HRH2: variants seen among roughly 807,000 people sequenced by gnomAD.
HRH2 encodes histamine receptor H2.
A neutral mutation model predicts 20.1 loss-of-function variants in HRH2; 4 were observed. The ratio of observed to expected loss-of-function variants is 0.20; its 90% CI spans 0.10 to 0.45. The LOEUF is 0.45. Ranked by LOEUF, HRH2 falls within the 20% of genes least tolerant of loss-of-function variation. The probability of loss-of-function intolerance (pLI) is 0.99; values close to 1 mark genes in which losing one functional copy is unlikely to be tolerated. For synonymous variants in HRH2, 197 were observed against 200.7 expected, an observed-to-expected ratio of 0.98 and a Z score of 0.16; for missense variants, 250 against 461.6, an observed-to-expected ratio of 0.54 and a Z score of 4.20.
chr5:175,674,461 A>T (rs1213461150), intron 1 of HRH2, among the ~76,000 whole-genome samples: 3 of 151,814 alleles, frequency 2.0e-5, no homozygotes, highest in Non-Finnish European at 4.4e-5. Flanking sequence ...CCTCACTATG[A>T]TGCCTAGGGG....
At position 175,708,962 on chromosome 5, in the gene HRH2, C is replaced by T. The variant is rs1297236422; in HGVS notation, c.*991C>T. On this transcript the variant is annotated 3_prime_UTR_variant, in exon 3 of 3. Transcript: ENST00000636584. ...TTGGCCCCCAGCACTCTCTGGTGGCCGTATGACCTTGGGCACGTCTCCTGA... is the reference window on the plus strand; with the variant it reads ...TTGGCCCCCAGCACTCTCTGGTGGCTGTATGACCTTGGGCACGTCTCCTGA... The T allele has an allele frequency of 6.6e-6, 1 of 152,074 alleles. No individual in the cohort carries two copies. The highest frequency in any genetic ancestry group is 2.4e-5 in the African/African-American group (1 of 41,330). The allele number at this position is 152,074 out of a possible 1,614,324, so 9.4% of individuals were successfully genotyped here.
chr5:175,692,430 C>A (rs651002), intron 2 of HRH2, among the ~76,000 whole-genome samples: 2,270 of 152,284 alleles, frequency 0.015, 60 homozygotes, highest in African/African-American at 0.052. Context: ...CCATTTCCAG[C>A]CCCTGGCTCT....
intron 1 of HRH2, among the ~76,000 whole-genome samples, chr5:175,661,822 C>T (rs1762745473): frequency 6.6e-6 from 1 of 152,138 alleles, no homozygotes; most frequent in Non-Finnish European, 1.5e-5. Flanking sequence ...GAGTTCGAGA[C>T]CAGCCTGGCT....
intron 1 of HRH2, among the ~76,000 whole-genome samples, chr5:175,671,550 A>G (rs1309718907): frequency 2.0e-5 from 3 of 152,180 alleles, no homozygotes; most frequent in Non-Finnish European, 2.9e-5. Flanking sequence ...CAGCCTAGAA[A>G]AAGGAATTTG....
chr5:175,664,830 G>A (rs1205981240), intron 1 of HRH2, among the ~76,000 whole-genome samples: 10 of 152,096 alleles, frequency 6.6e-5, no homozygotes, highest in Non-Finnish European at 1.5e-4. Flanking sequence ...TAGAGGCAGG[G>A]GCTCGCTATG....
At chr5:175,675,663 A>G (rs1196966183) in intron 1 of HRH2, among the ~76,000 whole-genome samples, 3 of 152,182 alleles carry the variant, frequency 2.0e-5, no homozygotes, top group African/African-American at 4.8e-5. Flanking sequence ...ACCCAACCCT[A>G]GCCTGGAGCC....
In HRH2 at chr5:175,683,815, G is replaced by A. The variant is rs138470013; in HGVS notation, c.582G>A (p.Pro194=). The A allele has an allele frequency of 1.3e-4, 202 of 1,614,054 alleles. No individual in the cohort carries two copies. The African/African-American group carries it at 1.5e-3, about 12-fold the overall frequency. Residue 194 remains proline (P), a synonymous_variant, in exon 2 of 3, where the codon CCG becomes CCA. Coordinates refer to ENST00000636584, the MANE Select transcript of HRH2 (RefSeq NM_001367711.1). The part of the protein sequence containing the change: ...LVDGLVTFYL[P]LLIMCITYYR... The stretch of plus-strand genomic sequence containing the variant: ...ATGGGCTGGTCACCTTCTACCTCCC[G>A]CTACTGATCATGTGCATCACCTACT...
intron 1 of HRH2, among the ~76,000 whole-genome samples, chr5:175,673,534 C>A (rs1755639472): frequency 1.3e-5 from 2 of 152,090 alleles, no homozygotes; most frequent in East Asian, 3.9e-4. Context: ...AGGGAGGAAG[C>A]AGGAGCGACT....
chr5:175,704,025 T>A (rs1466329958), intron 2 of HRH2: 3 of 152,086 alleles, frequency 2.0e-5, no homozygotes, highest in African/African-American at 7.2e-5. Context: ...ATAATATGAA[T>A]AAAACACCAA....
chr5:175,690,320 A>C (rs7718548), intron 2 of HRH2, among the ~76,000 whole-genome samples: 24,810 of 152,064 alleles, frequency 0.16, 4,717 homozygotes, highest in African/African-American at 0.46. Context: ...AGCCATGGCC[A>C]CACCATTTAC....
Position 175,687,747 on chromosome 5 carries a change from C to T in HRH2, c.1076+3438C>T, listed in dbSNP as rs1034065351. Among the ~76,000 whole-genome samples the T allele has an allele frequency of 1.1e-4, 16 of 152,172 alleles. No homozygotes were observed. Among genetic ancestry groups the T allele is most frequent in the Non-Finnish European group, 2.4e-4 (16 of 68,038 alleles). On this transcript the variant is annotated intron_variant, in intron 2 of 2. Coordinates refer to ENST00000636584, the MANE Select transcript of HRH2 (RefSeq NM_001367711.1). The surrounding 1 kb of genome is among the most constrained non-coding windows in gnomAD (Gnocchi z 5.2). ...CCTGCTCCCAGCCGCTCCCTGTCTGCTCCATCACTCACAGTGAGCTCCCTA... is the reference window on the plus strand; with the variant it reads ...CCTGCTCCCAGCCGCTCCCTGTCTGTTCCATCACTCACAGTGAGCTCCCTA...
In HRH2 at chr5:175,693,058, G is replaced by A. The variant is rs1289081915; in HGVS notation, c.1076+8749G>A. Among the ~76,000 whole-genome samples, 1 of 152,170 alleles carries A rather than the reference G, an allele frequency of 6.6e-6. No individual in the cohort carries two copies. The highest frequency in any genetic ancestry group is 1.5e-5 in the Non-Finnish European group (1 of 68,026). The stretch of plus-strand genomic sequence containing the variant: ...CCAGACCAGACTTTCTCATTCCCCT[G>A]CCACAGATTGGCTGTGTGAGCTTGG... On this transcript the variant is annotated intron_variant, in intron 2 of 2. Transcript: ENST00000636584. This position sits in a 1 kb window ranked among gnomAD's most constrained non-coding sequence, Gnocchi z 4.4.
rs115224437 is a variant in HRH2, at chr5:175,676,234, C to T, written c.-525-6475C>T. ...GTAGTCTGAGTGATTTTAACATTAA[C>T]GGGGTTTTCCAGACCCAAGAAAATG... On this transcript the variant is annotated intron_variant, in intron 1 of 2. Transcript: ENST00000636584. Among the ~76,000 whole-genome samples, 1,304 of 152,360 alleles carry T rather than the reference C, an allele frequency of 8.6e-3. 21 individuals carry two copies. Among genetic ancestry groups the T allele is most frequent in the African/African-American group, 0.03 (1,232 of 41,582 alleles).
intron 1 of HRH2, among the ~76,000 whole-genome samples, chr5:175,666,028 A>G (rs1411291915): frequency 6.6e-6 from 1 of 152,190 alleles, no homozygotes; most frequent in African/African-American, 2.4e-5. Flanking sequence ...TGGAGCTCTG[A>G]TGGCACTGAG....
intron 2 of HRH2, among the ~76,000 whole-genome samples, chr5:175,698,416 C>T (rs1756677442): frequency 6.6e-6 from 1 of 152,178 alleles, no homozygotes; most frequent in Non-Finnish European, 1.5e-5. Flanking sequence ...TGGGGCAGCT[C>T]TTACCTGCGT....
intron 2 of HRH2, among the ~76,000 whole-genome samples, chr5:175,699,771 C>T (rs1756735431): frequency 6.6e-6 from 1 of 152,174 alleles, no homozygotes; most frequent in Non-Finnish European, 1.5e-5. Flanking sequence ...GACAGGGTTT[C>T]ACCGTGTTAG....
chr5:175,670,245 C>T (rs1755477505), intron 1 of HRH2, among the ~76,000 whole-genome samples: 1 of 152,062 alleles, frequency 6.6e-6, no homozygotes, highest in Admixed American at 6.5e-5. Context: ...CCAGCCTGGG[C>T]AACATAGTGA....
At chr5:175,697,681 T>C (rs1428603716) in intron 2 of HRH2, among the ~76,000 whole-genome samples, 1 of 152,094 alleles carries the variant, frequency 6.6e-6, no homozygotes, top group Non-Finnish European at 1.5e-5. Flanking sequence ...TTCCTGACAC[T>C]CCCCTGCTCT....
intron 1 of HRH2, among the ~76,000 whole-genome samples, chr5:175,674,345 G>T (rs190531369): frequency 6.6e-6 from 1 of 152,280 alleles, no homozygotes; most frequent in South Asian, 2.1e-4. Context: ...TGACAATCTC[G>T]CTATGCAGAT....
Sources: allele counts gnomAD v4.1 joint callset (sites outside exome capture counted in the v4.1 genomes callset), GRCh38; gene constraint gnomAD v4.1.1; non-coding constraint Gnocchi (gnomAD v3.1); transcripts MANE v1.5; gene names NCBI Gene and HGNC (gene_info 2026-07-23, HGNC 2026-07-21).